Variants in SYTL2 observed in about 807,000 individuals in gnomAD.
SYTL2 encodes synaptotagmin-like protein 2.
A neutral mutation model predicts 198.7 loss-of-function variants in SYTL2; 165 were observed. That is an observed-to-expected ratio of 0.83 (90% CI 0.73 to 0.94). The LOEUF (loss-of-function observed/expected upper bound fraction) is 0.94. SYTL2 is among the 40% of genes least tolerant of loss of function. The pLI is 0.00. For missense variants in SYTL2, 2,835 were observed against 2,582.8 expected (o/e 1.10, Z -2.12); for synonymous variants, 966 against 917.7 (o/e 1.05, Z -0.95).
intron 7 of SYTL2, among the ~76,000 whole-genome samples, chr11:85,728,596 T>A (rs562588982): frequency 6.6e-6 from 1 of 152,292 alleles, no homozygotes; most frequent in Admixed American, 6.5e-5. Context: ...CATGTTACAT[T>A]TTAAATGTTA....
intron 15 of SYTL2, among the ~76,000 whole-genome samples, chr11:85,705,761 G>A (rs1416728279): frequency 6.6e-6 from 1 of 152,146 alleles, no homozygotes; most frequent in Non-Finnish European, 1.5e-5. Flanking sequence ...TAGTAAGTCT[G>A]CCTTTCTCTG....
At chr11:85,740,848 G>A (rs1022850361) in intron 4 of SYTL2, among the ~76,000 whole-genome samples, 2 of 152,184 alleles carry the variant, frequency 1.3e-5, no homozygotes, top group Non-Finnish European at 2.9e-5. Flanking sequence ...TTTAATACAA[G>A]TCTTTGAAAT....
chr11:85,779,050 ATATT>A (rs2153597366), intron 1 of SYTL2, among the ~76,000 whole-genome samples: 1 of 152,168 alleles, frequency 6.6e-6, no homozygotes, highest in African/African-American at 2.4e-5. Flanking sequence ...TATACTATAT[ATATT>A]ATATAACATA....
intron 9 of SYTL2, chr11:85,719,264 G>A (rs771380384): frequency 3.2e-5 from 37 of 1,170,682 alleles, no homozygotes; most frequent in African/African-American, 4.8e-5. Flanking sequence ...TATGCCTCTG[G>A]GAGGCTTGCT....
intron 9 of SYTL2, 54 bp from the exon 10 acceptor site, chr11:85,718,897 G>T: frequency 6.3e-7 from 1 of 1,599,584 alleles, no homozygotes; most frequent in Non-Finnish European, 8.5e-7. Flanking sequence ...GGAGAGAAAA[G>T]AACAATGAGA....
intron 16 of SYTL2, among the ~76,000 whole-genome samples, chr11:85,702,795 A>C (rs1050209798): frequency 1.3e-5 from 2 of 152,212 alleles, no homozygotes; most frequent in African/African-American, 4.8e-5. Flanking sequence ...CAAGACAAAG[A>C]ACTAAGTGTC....
chr11:85,760,912 C>G (rs1054535043), intron 1 of SYTL2, among the ~76,000 whole-genome samples: 1 of 152,146 alleles, frequency 6.6e-6, no homozygotes, highest in African/African-American at 2.4e-5. Context: ...GAATCAGTGC[C>G]CAATCAAACT....
chr11:85,831,306 T>G, the SYTL2 span, among the ~76,000 whole-genome samples: 2 of 152,214 alleles, frequency 1.3e-5, no homozygotes, highest in East Asian at 3.8e-4. Context: ...CCTGCCAACT[T>G]TGAAATGTAG....
chr11:85,703,997 C>G lies in SYTL2; in HGVS notation c.6189+861G>C, dbSNP rs1200581129. Among the ~76,000 whole-genome samples, 6 of 151,742 alleles carry G rather than the reference C, an allele frequency of 4.0e-5. No homozygotes were observed. In the East Asian group the frequency reaches 1.2e-3, roughly 29 times the overall value. On this transcript the variant is annotated intron_variant, in intron 16 of 19. Coordinates refer to ENST00000359152, the MANE Select transcript of SYTL2 (RefSeq NM_206927.4). The stretch of plus-strand genomic sequence containing the variant: ...AATGGAATAATAATCCCAAAGGAGG[C>G]AATTACGAAAATAAGAAAACAGGAC...
chr11:85,804,336 A>C (rs2153655298), intron 1 of SYTL2, among the ~76,000 whole-genome samples: 1 of 152,348 alleles, frequency 6.6e-6, no homozygotes, highest in Non-Finnish European at 1.5e-5. Flanking sequence ...TTTCATGAAC[A>C]GTAGAGCAGA....
At chr11:85,811,289 G>A (rs2044392), upstream of SYTL2, 48,599 of 145,762 alleles carry the variant, frequency 0.33, 8,082 homozygotes, top group South Asian at 0.44. Flanking sequence ...CCGGCACACA[G>A]CGCCTGCCAG....
the SYTL2 span, among the ~76,000 whole-genome samples, chr11:85,822,337 C>T: frequency 2.0e-5 from 3 of 152,188 alleles, no homozygotes; most frequent in African/African-American, 7.2e-5. Context: ...AGCCTTGCCC[C>T]AACCTTGGCC....
chr11:85,734,806 G>T, intron 6 of SYTL2, 64 bp from the exon 7 acceptor site: 1 of 1,213,712 alleles, frequency 8.2e-7, no homozygotes, highest in Middle Eastern at 2.4e-4. Flanking sequence ...TAAAATACCT[G>T]TCATAAACTT....
At chr11:85,743,745 G>A (rs545324937) in intron 4 of SYTL2, among the ~76,000 whole-genome samples, 1 of 152,332 alleles carries the variant, frequency 6.6e-6, no homozygotes, top group Admixed American at 6.5e-5. Flanking sequence ...TATGAGGACA[G>A]TGGCACCTCT....
chr11:85,768,411 G>A (rs1203240514), intron 1 of SYTL2, among the ~76,000 whole-genome samples: 2 of 152,102 alleles, frequency 1.3e-5, no homozygotes, highest in African/African-American at 2.4e-5. Flanking sequence ...AATGACTCTC[G>A]TTTGTTTCTT....
chr11:85,780,392 A>G (rs958465793), intron 1 of SYTL2, among the ~76,000 whole-genome samples: 8 of 152,184 alleles, frequency 5.3e-5, no homozygotes, highest in Admixed American at 3.3e-4. Context: ...GCCACTAGGT[A>G]GCTTCAGAAT....
intron 1 of SYTL2, among the ~76,000 whole-genome samples, chr11:85,779,542 T>C (rs1255910025): frequency 6.6e-6 from 1 of 152,196 alleles, no homozygotes; most frequent in African/African-American, 2.4e-5. Flanking sequence ...GGATATATTA[T>C]AGATATAAGT....
chr11:85,754,871 A>C (rs1269621908), intron 2 of SYTL2, among the ~76,000 whole-genome samples: 1 of 152,192 alleles, frequency 6.6e-6, no homozygotes, highest in African/African-American at 2.4e-5. Flanking sequence ...AAGAATAACA[A>C]CGATGAGCAG....
chr11:85,713,041 T>G (rs1439301935), intron 12 of SYTL2, among the ~76,000 whole-genome samples: 1 of 152,186 alleles, frequency 6.6e-6, no homozygotes, highest in Admixed American at 6.5e-5. Context: ...ATGGTTGAAC[T>G]GCATGGCATG....
Sources: allele counts gnomAD v4.1 joint callset (sites outside exome capture counted in the v4.1 genomes callset), GRCh38; gene constraint gnomAD v4.1.1; transcripts MANE v1.5; gene names NCBI Gene and HGNC (gene_info 2026-07-23, HGNC 2026-07-21).